GPX6: variants seen among roughly 807,000 people sequenced by gnomAD.
The protein encoded by GPX6 is glutathione peroxidase 6, also known as glutathione peroxidase 6 (olfactory).
Under a neutral mutation model 20.0 loss-of-function variants are expected in GPX6, and 21 were observed. That is an observed-to-expected ratio of 1.05 (90% confidence interval 0.74 to 1.51). The LOEUF is 1.51. Among genes scored for constraint, GPX6 ranks in the 40% most tolerant of loss-of-function variants. GPX6 has a pLI of 0.00. For missense variants in GPX6, 233 were observed against 254.7 expected (o/e 0.91, Z 0.58); for synonymous variants, 75 against 98.0 (o/e 0.77, Z 1.38).
chr6:28,510,931 C>A (rs770997486), intron 1 of GPX6, 27 bp from the exon 2 acceptor site: 2 of 1,574,948 alleles, frequency 1.3e-6, no homozygotes, highest in African/African-American at 1.4e-5. Flanking sequence ...ATAACCATAA[C>A]GATATAAGAT....
Position 28,513,025 on chromosome 6 carries a change from C to G in GPX6, c.88-2121G>C, listed in dbSNP as rs192307420. Among the ~76,000 whole-genome samples, 900 of 152,260 alleles carry G rather than the reference C, an allele frequency of 5.9e-3. 4 individuals are homozygous for G. Among genetic ancestry groups the G allele is most frequent in the Middle Eastern group, 0.01 (3 of 294 alleles). On this transcript the variant is annotated intron_variant, in intron 1 of 4. Coordinates refer to ENST00000361902, the MANE Select transcript of GPX6 (RefSeq NM_182701.1). ...TTCTTGAAGTCAGTGAGGCCAAAAA[C>G]CCACCAATTTTGAACACAGTAGGAG...
chr6:28,513,243 CCT>C (rs1228284468), intron 1 of GPX6, among the ~76,000 whole-genome samples: 17 of 152,162 alleles, frequency 1.1e-4, no homozygotes, highest in Non-Finnish European at 1.9e-4. Flanking sequence ...TACAGAAAGT[CCT>C]CTGTCTTTGT....
chr6:28,512,916 C>A (rs1394438054), intron 1 of GPX6, among the ~76,000 whole-genome samples: 1 of 152,150 alleles, frequency 6.6e-6, no homozygotes, highest in African/African-American at 2.4e-5. Flanking sequence ...GACCACAAAC[C>A]CGCCAGAAGG....
At chr6:28,508,948 G>A (rs1245650772) in intron 2 of GPX6, among the ~76,000 whole-genome samples, 1 of 152,146 alleles carries the variant, frequency 6.6e-6, no homozygotes, top group Non-Finnish European at 1.5e-5. Context: ...TGGTAAATGT[G>A]AGCCATTTGT....
intron 3 of GPX6, 94 bp downstream of exon 3, chr6:28,506,218 T>C: frequency 1.3e-6 from 1 of 786,312 alleles, no homozygotes; most frequent in South Asian, 1.4e-5. Flanking sequence ...ATCTATGGCC[T>C]ATCCCAGAAG....
At position 28,504,412 on chromosome 6, in the gene GPX6, G is replaced by T; in HGVS notation, c.546C>A (p.Asn182Lys). The change falls in exon 5 of 5, where the codon AAC becomes AAA. Residue 182 changes from asparagine (N) to lysine (K), a missense_variant. Transcript: ENST00000361902. ...CGGGCCCCACCAGAAATTTCTCAAAGTTCCAGCGGATATCATGGACCTTCA... is the reference window on the plus strand; with the variant it reads ...CGGGCCCCACCAGAAATTTCTCAAATTTCCAGCGGATATCATGGACCTTCA... ...EPMKVHDIRWNFEKFLVGPDG... is the reference protein window; with the variant it reads ...EPMKVHDIRWKFEKFLVGPDG... 1 of 1,614,214 alleles carries T rather than the reference G, an allele frequency of 6.2e-7. No individual in the cohort carries two copies. Among genetic ancestry groups the T allele is most frequent in the South Asian group, 1.1e-5 (1 of 91,086 alleles).
intron 1 of GPX6, among the ~76,000 whole-genome samples, chr6:28,513,134 T>C (rs941875954): frequency 6.6e-6 from 1 of 152,198 alleles, no homozygotes; most frequent in Non-Finnish European, 1.5e-5. Flanking sequence ...GGCTCCCCCA[T>C]CTGATGAGAG....
intron 1 of GPX6, among the ~76,000 whole-genome samples, chr6:28,512,298 G>A (rs1762895547): frequency 6.6e-6 from 1 of 152,242 alleles, no homozygotes; most frequent in Non-Finnish European, 1.5e-5. Context: ...CTAAGGGATT[G>A]TAAATACACC....
chr6:28,515,753 T>A lies in GPX6; in HGVS notation c.-10A>T. ...GGAACTGCTGGAACATGGCTAGGAG[T>A]TTTAGACGACTCTGAGGTCCCCAGG... On this transcript the variant is annotated 5_prime_UTR_variant, in exon 1 of 5. Transcript: ENST00000361902. 1 of 1,610,098 alleles carries A rather than the reference T, an allele frequency of 6.2e-7. No homozygotes were observed. The highest frequency in any genetic ancestry group is 8.5e-7 in the Non-Finnish European group (1 of 1,176,984).
Position 28,504,108 on chromosome 6 carries a change from A to T in GPX6, c.*184T>A, listed in dbSNP as rs1762782469. 2 of 609,056 alleles carry T rather than the reference A, an allele frequency of 3.3e-6. No individual in the cohort carries two copies. The highest frequency in any genetic ancestry group is 2.0e-5 in the South Asian group (1 of 50,922). The allele number at this position is 609,056 out of a possible 1,614,324, so 37.7% of individuals were successfully genotyped here. A position where few individuals can be genotyped will look rare whatever the true frequency, so the allele number is the denominator to read the frequency against. On this transcript the variant is annotated 3_prime_UTR_variant, in exon 5 of 5. Coordinates refer to ENST00000361902, the MANE Select transcript of GPX6 (RefSeq NM_182701.1). The stretch of plus-strand genomic sequence containing the variant: ...CAATTCTACATATCCATACACACAC[A>T]CACACACACACACACAGCTACACAC...
At chr6:28,504,679 C>G (rs1762791055) in intron 4 of GPX6, among the ~76,000 whole-genome samples, 181 bp from the exon 5 acceptor site, 1 of 152,108 alleles carries the variant, frequency 6.6e-6, no homozygotes, top group Admixed American at 6.5e-5. Context: ...ACCAATACAC[C>G]AACTACCAAA....
chr6:28,509,133 G>A (rs1012960631), intron 2 of GPX6, among the ~76,000 whole-genome samples: 2 of 152,086 alleles, frequency 1.3e-5, no homozygotes, highest in Admixed American at 1.3e-4. Context: ...TTTTATTACT[G>A]AAAATCCATT....
chr6:28,512,946 C>T (rs762045979), intron 1 of GPX6, among the ~76,000 whole-genome samples: 10 of 152,038 alleles, frequency 6.6e-5, no homozygotes, highest in South Asian at 2.1e-4. Context: ...TGAACACATC[C>T]GAACATCAGA....
At chr6:28,513,329 C>T (rs890712844) in intron 1 of GPX6, among the ~76,000 whole-genome samples, 1 of 152,204 alleles carries the variant, frequency 6.6e-6, no homozygotes, top group Non-Finnish European at 1.5e-5. Flanking sequence ...CTGTAACACA[C>T]GCCCACTGGG....
chr6:28,510,169 T>C (rs925833830), intron 2 of GPX6, among the ~76,000 whole-genome samples: 1 of 152,214 alleles, frequency 6.6e-6, no homozygotes, highest in African/African-American at 2.4e-5. Context: ...TAACTGAACA[T>C]AGACAAAGCA....
In GPX6 at chr6:28,508,621, C is replaced by T. The variant is rs367585672; in HGVS notation, c.241+2130G>A. On this transcript the variant is annotated intron_variant, in intron 2 of 4. Coordinates refer to ENST00000361902, the MANE Select transcript of GPX6 (RefSeq NM_182701.1). ...AGGAGTTCGAGAGCAGCCTGACCAA[C>T]ATAGTGAAACCCAGTCTCTATTAAA... is the stretch of plus-strand genomic sequence containing the variant. Among the ~76,000 whole-genome samples, 15 of 151,292 alleles carry T rather than the reference C, an allele frequency of 9.9e-5. No homozygotes were observed. In the South Asian group the frequency reaches 3.1e-3, roughly 32 times the overall value.
chr6:28,504,096 C>CCACACA lies in GPX6; in HGVS notation c.*195_*196insTGTGTG. On this transcript the variant is annotated 3_prime_UTR_variant, in exon 5 of 5. Coordinates refer to ENST00000361902, the MANE Select transcript of GPX6 (RefSeq NM_182701.1). The stretch of plus-strand genomic sequence containing the variant: ...TACCAACAAATACAATTCTACATAT[C>CCACACA]CATACACACACACACACACACACAC... 2 of 528,578 alleles carry CCACACA rather than the reference C, an allele frequency of 3.8e-6. No homozygotes were observed. The highest frequency in any genetic ancestry group is 6.5e-5 in the East Asian group (2 of 30,848). The allele number at this position is 528,578 out of a possible 1,614,324, so 32.7% of individuals were successfully genotyped here.
At chr6:28,515,139 G>A (rs1286356726) in intron 1 of GPX6, among the ~76,000 whole-genome samples, 1 of 152,212 alleles carries the variant, frequency 6.6e-6, no homozygotes, top group Non-Finnish European at 1.5e-5. Context: ...TTCTAGGGGT[G>A]TGGTGGTGGG....
At chr6:28,513,355 A>T (rs910352011) in intron 1 of GPX6, among the ~76,000 whole-genome samples, 1 of 152,162 alleles carries the variant, frequency 6.6e-6, no homozygotes. Flanking sequence ...AGTTGTAAAC[A>T]TTCACTCCTA....
Sources: gnomAD v4.1 joint callset for allele counts (sites outside exome capture counted in the v4.1 genomes callset) on GRCh38, gnomAD v4.1.1 for gene constraint, MANE v1.5 for transcripts, NCBI Gene and HGNC (gene_info 2026-07-23, HGNC 2026-07-21) for gene names.